The following NSUN7 variants were observed in gnomAD, a reference collection of about 807,000 sequenced individuals.
NSUN7 encodes the protein protein NSUN7.
Under a neutral mutation model 58.5 loss-of-function variants are expected in NSUN7, and 39 were observed. The ratio of observed to expected loss-of-function variants is 0.67; its 90% CI spans 0.52 to 0.87. The LOEUF (loss-of-function observed/expected upper bound fraction) is 0.87. NSUN7 is among the 40% of genes least tolerant of loss of function. NSUN7 has a pLI of 0.00. For synonymous variants in NSUN7, 278 were observed against 303.7 expected (o/e 0.92, Z 0.88); for missense variants, 765 against 844.1 (o/e 0.91, Z 1.16).
At chr4:40,803,366 AC>A (rs1320481642) in intron 10 of NSUN7, among the ~76,000 whole-genome samples, 8 of 152,274 alleles carry the variant, frequency 5.3e-5, no homozygotes, top group African/African-American at 1.9e-4. Context: ...CACCACACTG[AC>A]TTCCACAATG....
At position 40,781,181 on chromosome 4, in the gene NSUN7, C is replaced by T. The variant is rs146488195; in HGVS notation, c.1036+4922C>T. On this transcript the variant is annotated intron_variant, in intron 7 of 11. Transcript: ENST00000381782. ...TCCCAGGTTCAAGCAATTCTCATGC[C>T]TCAATCTCCTGAGTAGCATGCACCA... Among the ~76,000 whole-genome samples the T allele has an allele frequency of 3.8e-3, 572 of 151,998 alleles. 5 individuals carry two copies. The highest frequency in any genetic ancestry group is 0.013 in the African/African-American group (538 of 41,420).
chr4:40,770,101 T>C (rs1741926073), intron 4 of NSUN7, among the ~76,000 whole-genome samples: 1 of 151,550 alleles, frequency 6.6e-6, no homozygotes. Context: ...TCCTACCTAC[T>C]TGGGAGGATG....
chr4:40,781,250 A>G (rs374009842), intron 7 of NSUN7, among the ~76,000 whole-genome samples: 5 of 152,048 alleles, frequency 3.3e-5, no homozygotes, highest in African/African-American at 1.2e-4. Flanking sequence ...AAGACATGCT[A>G]TGTTGGCCAG....
chr4:40,796,173 G>A (rs548171980), intron 9 of NSUN7, among the ~76,000 whole-genome samples: 82 of 152,100 alleles, frequency 5.4e-4, no homozygotes, highest in Non-Finnish European at 9.6e-4. Flanking sequence ...GGACAACATG[G>A]TGAAACCCCA....
Position 40,760,558 on chromosome 4 carries a change from G to A in NSUN7, c.357+66G>A. The A allele has an allele frequency of 4.5e-6, 6 of 1,331,532 alleles. No homozygotes were observed. The South Asian group carries it at 7.5e-5, about 17-fold the overall frequency. The allele number at this position is 1,331,532 out of a possible 1,614,324, so 82.5% of individuals were successfully genotyped here. A position where few individuals can be genotyped will look rare whatever the true frequency, so the allele number is the denominator to read the frequency against. ...TTTTTAAAAAAGAAAGTGTTTAAAA[G>A]CCTTTAGATTTAAATAGTTTGAGGC... On this transcript the variant is annotated intron_variant, in intron 3 of 11. Coordinates refer to ENST00000381782, the MANE Select transcript of NSUN7 (RefSeq NM_024677.6).
rs942275909 is a variant in NSUN7 at position 40,775,064 on chromosome 4, G to T, written c.825+114G>T. On this transcript the variant is annotated intron_variant, in intron 6 of 11. Coordinates refer to ENST00000381782, the MANE Select transcript of NSUN7 (RefSeq NM_024677.6). The surrounding 1 kb of genome is among the most constrained non-coding windows in gnomAD (Gnocchi z 4.3). ...TATATTTTTATAGATTATCAGGGAG[G>T]TTTATAAGGCCTAATTGTCACCTTG... 5 of 510,510 alleles carry T rather than the reference G, an allele frequency of 9.8e-6. No homozygotes were observed. Among genetic ancestry groups the T allele is most frequent in the Non-Finnish European group, 1.0e-5 (3 of 290,176 alleles). The allele number at this position is 510,510 out of a possible 1,614,324, so 31.6% of individuals were successfully genotyped here.
intron 8 of NSUN7, among the ~76,000 whole-genome samples, chr4:40,792,700 C>T (rs534818327): frequency 6.6e-6 from 1 of 151,876 alleles, no homozygotes; most frequent in East Asian, 1.9e-4. Context: ...TGCAGTGAGC[C>T]GAGATCGCGC....
intron 9 of NSUN7, among the ~76,000 whole-genome samples, chr4:40,798,170 A>G (rs58881779): frequency 0.022 from 3,339 of 152,258 alleles, 120 homozygotes; most frequent in African/African-American, 0.076. Context: ...TTTCCTATTT[A>G]TCTCTGTCTT....
chr4:40,756,005 A>T (rs1229187341), intron 2 of NSUN7, among the ~76,000 whole-genome samples: 1 of 152,138 alleles, frequency 6.6e-6, no homozygotes, highest in Non-Finnish European at 1.5e-5. Flanking sequence ...GACAAGGTGC[A>T]GTCGTGTGGC....
chr4:40,808,292 C>A lies in NSUN7; in HGVS notation c.1525-15C>A, dbSNP rs1397157339. On this transcript the variant is annotated splice_polypyrimidine_tract_variant and intron_variant, in intron 11 of 11. Transcript: ENST00000381782. ...AGCTAACTCCCACATTTAGTAAATG[C>A]TTCTTTAATTGCAGCGGGACCCTTC... 4.8e-5 allele frequency: 76 copies of A among 1,583,500 alleles called. 1 individual carries two copies. The South Asian group carries it at 8.1e-4, about 17-fold the overall frequency.
chr4:40,803,253 G>C (rs1035903541), intron 10 of NSUN7, among the ~76,000 whole-genome samples: 1 of 152,104 alleles, frequency 6.6e-6, no homozygotes, highest in African/African-American at 2.4e-5. Flanking sequence ...ACATACGTGT[G>C]CATGTGTCTT....
intron 8 of NSUN7, among the ~76,000 whole-genome samples, chr4:40,793,211 G>A (rs931349179): frequency 6.6e-6 from 1 of 152,180 alleles, no homozygotes; most frequent in South Asian, 2.1e-4. Flanking sequence ...GGAGGCTGAG[G>A]TGGGTAGATC....
At chr4:40,791,269 A>ATCTATATTTAGTC (rs982102587) in intron 8 of NSUN7, among the ~76,000 whole-genome samples, 4 of 152,204 alleles carry the variant, frequency 2.6e-5, no homozygotes, top group Non-Finnish European at 2.9e-5. Flanking sequence ...CTCAGACTAA[A>ATCTATATTTAGTC]TATAGAAGCA....
rs34373539 is a variant in NSUN7 at position 40,802,783 on chromosome 4, CTTTT to C, written c.1400+3893_1400+3896del. Among the ~76,000 whole-genome samples, 360 of 138,922 alleles carry C rather than the reference CTTTT, an allele frequency of 2.6e-3. 2 individuals are homozygous for C. Among genetic ancestry groups the C allele is most frequent in the African/African-American group, 8.8e-3 (332 of 37,532 alleles). 91.1% of individuals were successfully genotyped at this position (138,922 alleles called of 152,430 possible). On this transcript the variant is annotated intron_variant, in intron 10 of 11. Coordinates refer to ENST00000381782, the MANE Select transcript of NSUN7 (RefSeq NM_024677.6). ...CTGACACTTTGTACTGCATTCTATT[CTTTT>C]TTTTTTTTTTTTTAATTAAACTTCA...
intron 7 of NSUN7, among the ~76,000 whole-genome samples, chr4:40,777,983 A>C (rs763872244): frequency 9.2e-5 from 14 of 152,236 alleles, no homozygotes; most frequent in Admixed American, 2.0e-4. Flanking sequence ...AAGACCTGGA[A>C]ACTATAATCA....
At chr4:40,794,240 A>G (rs991179605) in intron 8 of NSUN7, 135 bp from the exon 9 acceptor site, 32 of 479,654 alleles carry the variant, frequency 6.7e-5, no homozygotes, top group Non-Finnish European at 1.1e-4. Context: ...TTTAATATCT[A>G]TTTAGTTTTA....
At chr4:40,766,429 A>G (rs1180794810) in intron 4 of NSUN7, among the ~76,000 whole-genome samples, 2 of 151,868 alleles carry the variant, frequency 1.3e-5, no homozygotes, top group African/African-American at 4.8e-5. Flanking sequence ...CCAGGGATGA[A>G]GCCCACTTGA....
At chr4:40,808,111 T>G (rs969783730) in intron 11 of NSUN7, among the ~76,000 whole-genome samples, 196 bp from the exon 12 acceptor site, 32 of 19,134 alleles carry the variant, frequency 1.7e-3, no homozygotes, top group South Asian at 6.7e-3. Context: ...AAGTTTAAGT[T>G]TTTTTTTTGT....
At chr4:40,757,306 T>C (rs1178524417) in intron 2 of NSUN7, among the ~76,000 whole-genome samples, 1 of 152,034 alleles carries the variant, frequency 6.6e-6, no homozygotes, top group Non-Finnish European at 1.5e-5. Flanking sequence ...AGGCTTTGTG[T>C]TGGATAATTT....
Sources: allele counts gnomAD v4.1 joint callset (sites outside exome capture counted in the v4.1 genomes callset), GRCh38; gene constraint gnomAD v4.1.1; non-coding constraint Gnocchi (gnomAD v3.1); transcripts MANE v1.5; gene names NCBI Gene and HGNC (gene_info 2026-07-23, HGNC 2026-07-21).